The following CACNA1D variants were observed in gnomAD, a reference collection of about 807,000 sequenced individuals.
CACNA1D encodes the protein voltage-dependent L-type calcium channel subunit alpha-1D.
Under a neutral mutation model 257.1 loss-of-function variants are expected in CACNA1D, and 55 were observed. That is an observed-to-expected ratio of 0.21 (90% CI 0.17 to 0.27). The LOEUF (loss-of-function observed/expected upper bound fraction) is 0.27, where lower values mean the gene tolerates loss of function less well. CACNA1D is among the 10% of genes least tolerant of loss of function. The probability of loss-of-function intolerance (pLI) is 1.00; values close to 1 mark genes in which losing one functional copy is unlikely to be tolerated. For synonymous variants in CACNA1D, 980 were observed against 1,014.9 expected, an observed-to-expected ratio of 0.97 and a Z score of 0.65; for missense variants, 1,876 against 2,784.0, an observed-to-expected ratio of 0.67 and a Z score of 7.34.
At position 53,809,992 on chromosome 3, in the gene CACNA1D, C is replaced by T. The variant is rs376898108; in HGVS notation, c.5886C>T (p.Ala1962=). Residue 1962 remains alanine (A), a synonymous_variant, in exon 47 of 48, where the codon GCC becomes GCT. Transcript: ENST00000350061. ...TCTTTCCTCAGATCATGGCAGTTGC[C>T]GGCCTAGATTCAAGTAAAGCCCAGA... ...HLMQQQIMAV[A]GLDSSKAQKY... 140 of 1,613,926 alleles carry T rather than the reference C, an allele frequency of 8.7e-5. No individual in the cohort carries two copies. The highest frequency in any genetic ancestry group is 1.1e-4 in the Non-Finnish European group (129 of 1,180,022).
intron 32 of CACNA1D, 88 bp from the exon 33 acceptor site, chr3:53,772,745 T>C (rs2095373103): frequency 3.3e-6 from 3 of 897,398 alleles, no homozygotes; most frequent in Non-Finnish European, 5.7e-6. Flanking sequence ...AAAGGAAGCA[T>C]GTGGCCACTC....
At chr3:53,623,845 C>T (rs975036587) in intron 3 of CACNA1D, among the ~76,000 whole-genome samples, 5 of 152,116 alleles carry the variant, frequency 3.3e-5, no homozygotes, top group Admixed American at 1.3e-4. Context: ...TGCTTGGAGC[C>T]GCTTTAGAAT....
intron 6 of CACNA1D, among the ~76,000 whole-genome samples, 170 bp from the exon 7 acceptor site, chr3:53,666,169 G>T (rs2094260520): frequency 6.6e-6 from 1 of 152,040 alleles, no homozygotes; most frequent in African/African-American, 2.4e-5. Context: ...GGCAGATTCC[G>T]CTAAGGAGGG....
intron 21 of CACNA1D, among the ~76,000 whole-genome samples, chr3:53,740,929 C>A (rs964715514): frequency 6.6e-6 from 1 of 152,134 alleles, no homozygotes; most frequent in Non-Finnish European, 1.5e-5. Context: ...TATTTTCTTG[C>A]AATAGGATTT....
At chr3:53,678,963 CTG>C (rs1169259506) in intron 8 of CACNA1D, 8 of 151,916 alleles carry the variant, frequency 5.3e-5, no homozygotes, top group African/African-American at 1.9e-4. Context: ...TTTTTCATGA[CTG>C]AGATTAGATT....
At chr3:53,613,947 G>A (rs1384862836) in intron 3 of CACNA1D, among the ~76,000 whole-genome samples, 2 of 151,984 alleles carry the variant, frequency 1.3e-5, no homozygotes, top group African/African-American at 4.8e-5. Context: ...TGGAATTGGA[G>A]TAATGAAGGA....
At chr3:53,605,332 A>G (rs765701239) in intron 3 of CACNA1D, among the ~76,000 whole-genome samples, 8 of 152,190 alleles carry the variant, frequency 5.3e-5, no homozygotes, top group Non-Finnish European at 1.0e-4. Context: ...AAGTACTTTC[A>G]TCTTTCCAGG....
intron 33 of CACNA1D, chr3:53,773,707 C>T (rs1262707293): frequency 6.6e-6 from 1 of 151,394 alleles, no homozygotes; most frequent in Admixed American, 6.6e-5. Context: ...AGCATAGAAG[C>T]ATTTGCAGAT....
chr3:53,751,962 G>A lies in CACNA1D; in HGVS notation c.3675+55G>A, dbSNP rs139674838. 1.0e-4 allele frequency: 160 copies of A among 1,553,242 alleles called. No individual in the cohort carries two copies. In the East Asian group the frequency reaches 3.4e-3, roughly 33 times the overall value. On this transcript the variant is annotated intron_variant, in intron 28 of 47. Transcript: ENST00000350061. The surrounding 1 kb of genome is among the most constrained non-coding windows in gnomAD (Gnocchi z 4.3). Reference sequence around the variant, plus strand: ...GTCCGGGCATTCCGCACAGCCCCGTGCCCCAAATGCTGAGGGTGGAATGCT... The same window carrying A: ...GTCCGGGCATTCCGCACAGCCCCGTACCCCAAATGCTGAGGGTGGAATGCT...
chr3:53,767,810 TC>T (rs896169740), intron 30 of CACNA1D, among the ~76,000 whole-genome samples: 2 of 151,962 alleles, frequency 1.3e-5, no homozygotes, highest in Admixed American at 1.3e-4. Context: ...ACTTGCACTG[TC>T]CCCCCGGGGC....
chr3:53,692,098 T>C (rs2108529356), intron 8 of CACNA1D, among the ~76,000 whole-genome samples: 1 of 150,184 alleles, frequency 6.7e-6, no homozygotes, highest in South Asian at 2.1e-4. Context: ...GTAAAGTCCA[T>C]GTTTGTGAAA....
chr3:53,707,655 A>C (rs890411539), intron 9 of CACNA1D, among the ~76,000 whole-genome samples: 1 of 152,232 alleles, frequency 6.6e-6, no homozygotes, highest in Non-Finnish European at 1.5e-5. Flanking sequence ...GTTTCTTAAG[A>C]AACCCTGCCA....
chr3:53,624,988 G>A (rs932561587), intron 3 of CACNA1D, among the ~76,000 whole-genome samples: 1 of 152,316 alleles, frequency 6.6e-6, no homozygotes, highest in Non-Finnish European at 1.5e-5. Flanking sequence ...GGATGAAGGG[G>A]GAAGAACGTG....
At chr3:53,769,156 G>A (rs2095352111) in intron 30 of CACNA1D, among the ~76,000 whole-genome samples, 1 of 152,228 alleles carries the variant, frequency 6.6e-6, no homozygotes, top group African/African-American at 2.4e-5. Context: ...AGTGGAGTGA[G>A]GCAAGGCCCC....
chr3:53,515,202 T>G (rs2091284266), intron 3 of CACNA1D, among the ~76,000 whole-genome samples: 1 of 152,132 alleles, frequency 6.6e-6, no homozygotes, highest in Non-Finnish European at 1.5e-5. Flanking sequence ...TTTCTTTACG[T>G]GTGACTTTCT....
chr3:53,502,702 T>C (rs569907571), intron 3 of CACNA1D, among the ~76,000 whole-genome samples: 3 of 152,080 alleles, frequency 2.0e-5, no homozygotes, highest in South Asian at 4.2e-4. Flanking sequence ...GGTAAGAAGA[T>C]TGCTAGTATC....
Position 53,497,470 on chromosome 3 carries a change from T to G in CACNA1D, c.377+9T>G. ...AGTATAGTGGAATGGAAGTATCCTT[T>G]TTTTGGGGGAAGTCTTTCTCATTTT... On this transcript the variant is annotated intron_variant, in intron 2 of 47. Coordinates refer to ENST00000350061, the MANE Select transcript of CACNA1D (RefSeq NM_001128840.3). The G allele has an allele frequency of 1.2e-6, 2 of 1,613,194 alleles. No homozygotes were observed. Among genetic ancestry groups the G allele is most frequent in the Non-Finnish European group, 1.7e-6 (2 of 1,179,234 alleles).
At chr3:53,684,938 A>C (rs1157722260) in intron 8 of CACNA1D, among the ~76,000 whole-genome samples, 1 of 152,182 alleles carries the variant, frequency 6.6e-6, no homozygotes, top group Non-Finnish European at 1.5e-5. Context: ...ATAAAATGGA[A>C]TATTAAATAG....
At chr3:53,702,846 C>T (rs1447902294) in intron 9 of CACNA1D, 36 bp downstream of exon 9, 1 of 1,612,202 alleles carries the variant, frequency 6.2e-7, no homozygotes, top group Non-Finnish European at 8.5e-7. Flanking sequence ...GCTAGACAGA[C>T]CCAGTGTGCG....
Sources: allele counts gnomAD v4.1 joint callset (sites outside exome capture counted in the v4.1 genomes callset), GRCh38; gene constraint gnomAD v4.1.1; non-coding constraint Gnocchi (gnomAD v3.1); transcripts MANE v1.5; gene names NCBI Gene and HGNC (gene_info 2026-07-23, HGNC 2026-07-21).